SLIT3: variants seen among roughly 807,000 people sequenced by gnomAD.
The protein encoded by SLIT3 is slit guidance ligand 3.
A neutral mutation model predicts 184.0 loss-of-function variants in SLIT3; 68 were observed. The observed-to-expected ratio is 0.37, with a 90% CI of 0.30 to 0.45. The LOEUF is 0.45. SLIT3 is among the 20% of genes least tolerant of loss of function. The pLI is 1.00. For missense variants in SLIT3, 1,707 were observed against 2,026.0 expected (o/e 0.84, Z 3.02); for synonymous variants, 831 against 828.6 (o/e 1.00, Z -0.05).
chr5:168,901,065 A>G (rs187319874), intron 4 of SLIT3, among the ~76,000 whole-genome samples: 1 of 152,310 alleles, frequency 6.6e-6, no homozygotes, highest in Admixed American at 6.5e-5. Flanking sequence ...TGATGTGTGC[A>G]TGTAACAAAA....
At chr5:169,241,802 G>T (rs1765412187) in intron 3 of SLIT3, among the ~76,000 whole-genome samples, 2 of 152,132 alleles carry the variant, frequency 1.3e-5, no homozygotes, top group South Asian at 4.1e-4. Context: ...GAGAGTAGGG[G>T]TACCTAACTC....
chr5:168,861,952 G>A (rs1759125745), intron 5 of SLIT3, among the ~76,000 whole-genome samples: 1 of 152,174 alleles, frequency 6.6e-6, no homozygotes, highest in Admixed American at 6.5e-5. Context: ...ATTAGCAGCT[G>A]CTTAGCAGCC....
chr5:169,075,126 T>C (rs1051236971), intron 4 of SLIT3, among the ~76,000 whole-genome samples: 1 of 151,688 alleles, frequency 6.6e-6, no homozygotes, highest in Non-Finnish European at 1.5e-5. Context: ...TATGGCTGGG[T>C]CATGATTCGT....
intron 1 of SLIT3, among the ~76,000 whole-genome samples, chr5:169,295,211 C>A (rs1052199357): frequency 6.6e-6 from 1 of 152,230 alleles, no homozygotes; most frequent in Non-Finnish European, 1.5e-5. Context: ...ATGAGACCAC[C>A]GTCCTCTATG....
chr5:168,688,916 A>G (rs1371375380), intron 29 of SLIT3, among the ~76,000 whole-genome samples: 2 of 152,222 alleles, frequency 1.3e-5, no homozygotes, highest in East Asian at 3.8e-4. Context: ...TACTTACAAG[A>G]TAAAATCCAA....
chr5:169,007,613 C>A (rs1755983425), intron 4 of SLIT3, among the ~76,000 whole-genome samples: 1 of 152,224 alleles, frequency 6.6e-6, no homozygotes, highest in African/African-American at 2.4e-5. Flanking sequence ...TGCCTACATA[C>A]ACTGCAGCCT....
chr5:168,874,168 T>TAA (rs5873129), intron 5 of SLIT3, among the ~76,000 whole-genome samples: 4 of 151,084 alleles, frequency 2.6e-5, no homozygotes, highest in African/African-American at 4.9e-5. Flanking sequence ...TGTAATGAGT[T>TAA]AAAAAAAAAA....
At chr5:168,773,491 G>A (rs568360069) in intron 13 of SLIT3, among the ~76,000 whole-genome samples, 13 of 152,204 alleles carry the variant, frequency 8.5e-5, no homozygotes, top group Non-Finnish European at 1.6e-4. Context: ...CGTGGTCGGC[G>A]TCAATATATA....
intron 4 of SLIT3, among the ~76,000 whole-genome samples, chr5:168,977,013 C>G (rs185487473): frequency 6.7e-5 from 10 of 150,190 alleles, no homozygotes; most frequent in African/African-American, 2.5e-4. Context: ...TTTATCTCAG[C>G]TGTGAATTTG....
intron 4 of SLIT3, among the ~76,000 whole-genome samples, chr5:169,180,729 A>G (rs1284404119): frequency 1.3e-5 from 2 of 152,176 alleles, no homozygotes; most frequent in African/African-American, 4.8e-5. Flanking sequence ...GCCCCATTAG[A>G]CCTAATGATC....
At chr5:168,836,824 C>T (rs1010408372) in intron 6 of SLIT3, among the ~76,000 whole-genome samples, 8 of 152,064 alleles carry the variant, frequency 5.3e-5, no homozygotes, top group Non-Finnish European at 1.0e-4. Flanking sequence ...GGAATGTACA[C>T]CAATACATTT....
intron 4 of SLIT3, among the ~76,000 whole-genome samples, chr5:169,113,177 T>C (rs376021905): frequency 6.6e-6 from 1 of 152,142 alleles, no homozygotes; most frequent in Non-Finnish European, 1.5e-5. Flanking sequence ...ACCCTTCTCA[T>C]CCTGAAAAAC....
chr5:168,752,798 T>A (rs532810852), intron 18 of SLIT3, 157 bp downstream of exon 18: 14 of 686,984 alleles, frequency 2.0e-5, no homozygotes, highest in Admixed American at 1.1e-4. Context: ...CCTCAACACC[T>A]AGACGATGCC....
chr5:168,980,474 A>C (rs1429682673), intron 4 of SLIT3, among the ~76,000 whole-genome samples: 1 of 152,196 alleles, frequency 6.6e-6, no homozygotes, highest in Non-Finnish European at 1.5e-5. Context: ...GGCTCAGAGA[A>C]TATCAGTTTT....
chr5:168,821,331 G>A (rs1757524990), intron 7 of SLIT3, among the ~76,000 whole-genome samples: 1 of 152,180 alleles, frequency 6.6e-6, no homozygotes, highest in African/African-American at 2.4e-5. Flanking sequence ...TAAATCACAG[G>A]AACAGCTCAC....
chr5:168,763,698 G>A (rs1233376741), intron 14 of SLIT3, among the ~76,000 whole-genome samples: 1 of 152,176 alleles, frequency 6.6e-6, no homozygotes, highest in African/African-American at 2.4e-5. Context: ...GTGAGACCTT[G>A]AATCATGCTG....
intron 4 of SLIT3, among the ~76,000 whole-genome samples, chr5:169,050,691 CTT>C (rs72350956): frequency 6.8e-6 from 1 of 146,108 alleles, no homozygotes; most frequent in Non-Finnish European, 1.5e-5. Flanking sequence ...TATAATAGCA[CTT>C]TTTTTTTTTT....
intron 9 of SLIT3, among the ~76,000 whole-genome samples, chr5:168,804,434 T>C (rs17733268): frequency 0.14 from 20,520 of 149,050 alleles, 1,704 homozygotes; most frequent in East Asian, 0.3. Context: ...AATTAGATAG[T>C]ATGTTGGAAG....
chr5:168,666,744 T>A, intron 35 of SLIT3, 55 bp from the exon 36 acceptor site: 1 of 1,612,366 alleles, frequency 6.2e-7, no homozygotes, highest in Non-Finnish European at 8.5e-7. Flanking sequence ...AGCAGGACCA[T>A]GAGCAGTTCC....
Sources: allele counts gnomAD v4.1 joint callset (sites outside exome capture counted in the v4.1 genomes callset), GRCh38; gene constraint gnomAD v4.1.1; transcripts MANE v1.5; gene names NCBI Gene and HGNC (gene_info 2026-07-23, HGNC 2026-07-21).